The following SLC9C1 variants were observed in gnomAD, a reference collection of about 807,000 sequenced individuals.
SLC9C1 encodes the protein sodium/hydrogen exchanger 10.
Under a neutral mutation model 140.9 loss-of-function variants are expected in SLC9C1, and 97 were observed. That is an observed-to-expected ratio of 0.69 (90% CI 0.58 to 0.82). SLC9C1 has a LOEUF of 0.82. Ranked by LOEUF, SLC9C1 falls within the 40% of genes least tolerant of loss-of-function variation. SLC9C1 has a pLI of 0.00. For synonymous variants in SLC9C1, 440 were observed against 442.6 expected (o/e 0.99, Z 0.07); for missense variants, 1,340 against 1,389.3 (o/e 0.96, Z 0.56).
chr3:112,229,477 A>G (rs1316931930), intron 13 of SLC9C1, among the ~76,000 whole-genome samples: 1 of 152,160 alleles, frequency 6.6e-6, no homozygotes, highest in African/African-American at 2.4e-5. Context: ...TTAAAACAAC[A>G]GCAATAAAAA....
intron 18 of SLC9C1, 91 bp downstream of exon 18, chr3:112,202,159 A>T: frequency 2.2e-6 from 3 of 1,385,598 alleles, no homozygotes; most frequent in East Asian, 2.3e-5. Context: ...CAGGAGTCAA[A>T]GACATCTGCA....
At chr3:112,153,376 T>C (rs2075038286) in intron 27 of SLC9C1, among the ~76,000 whole-genome samples, 1 of 148,724 alleles carries the variant, frequency 6.7e-6, no homozygotes, top group South Asian at 2.1e-4. Context: ...AAAAAAAAGA[T>C]GGTCTTGTCA....
chr3:112,161,462 G>A (rs2075296685), intron 26 of SLC9C1, among the ~76,000 whole-genome samples: 1 of 152,168 alleles, frequency 6.6e-6, no homozygotes, highest in Non-Finnish European at 1.5e-5. Flanking sequence ...GTGTAAGGAA[G>A]GGATCCAGTT....
intron 23 of SLC9C1, among the ~76,000 whole-genome samples, chr3:112,173,231 A>G (rs1278652427): frequency 1.3e-5 from 2 of 152,228 alleles, no homozygotes; most frequent in African/African-American, 4.8e-5. Flanking sequence ...GTATAGTACT[A>G]TTAAAAAGTT....
At position 112,280,735 on chromosome 3, in the gene SLC9C1, A is replaced by T. The variant is rs1409331056; in HGVS notation, c.137T>A (p.Ile46Lys). ...AAAACTGCATCCAAGTAAAAATAAT[A>T]TCACAGGGACAGGAATTGGAAAGTC... ...LEDFPIPVPV[I>K]LFLLGCSFEV... Residue 46 changes from isoleucine (I) to lysine (K), a missense_variant, in exon 3 of 29, where the codon ATA becomes AAA. By Grantham distance (102) the Ile-to-Lys change is moderately radical (BLOSUM62 -3). Transcript: ENST00000305815. 1 of 1,612,378 alleles carries T rather than the reference A, an allele frequency of 6.2e-7. No individual in the cohort carries two copies. The highest frequency in any genetic ancestry group is 1.7e-5 in the Admixed American group (1 of 59,554).
intron 23 of SLC9C1, among the ~76,000 whole-genome samples, chr3:112,176,654 C>G (rs149242901): frequency 5.3e-5 from 8 of 152,256 alleles, no homozygotes; most frequent in African/African-American, 1.7e-4. Flanking sequence ...TTATCTTCTT[C>G]TGAAAATTGT....
intron 11 of SLC9C1, among the ~76,000 whole-genome samples, chr3:112,242,085 A>T (rs1275030890): frequency 6.6e-6 from 1 of 152,214 alleles, no homozygotes; most frequent in Non-Finnish European, 1.5e-5. Flanking sequence ...ACAAAACAAA[A>T]ATTGACAAGC....
At chr3:112,188,054 C>T (rs539660837) in intron 20 of SLC9C1, among the ~76,000 whole-genome samples, 1 of 152,060 alleles carries the variant, frequency 6.6e-6, no homozygotes, top group African/African-American at 2.4e-5. Context: ...ATATGTTGCA[C>T]TTGCACAGCT....
chr3:112,173,573 G>A (rs148618124), intron 23 of SLC9C1, among the ~76,000 whole-genome samples: 1 of 152,264 alleles, frequency 6.6e-6, no homozygotes, highest in Non-Finnish European at 1.5e-5. Flanking sequence ...AAGGATAATA[G>A]TGTCCACCTC....
intron 7 of SLC9C1, 102 bp downstream of exon 7, chr3:112,269,814 G>C: frequency 1.1e-6 from 1 of 944,106 alleles, no homozygotes; most frequent in Non-Finnish European, 1.5e-6. Flanking sequence ...GTCTAGATCA[G>C]TTGAATGTTT....
At chr3:112,169,374 G>T in intron 23 of SLC9C1, 46 bp from the exon 24 acceptor site, 2 of 1,555,136 alleles carry the variant, frequency 1.3e-6, no homozygotes, top group South Asian at 1.2e-5. Flanking sequence ...TGTGCACTAT[G>T]GTTTAAGGAA....
At position 112,264,157 on chromosome 3, in the gene SLC9C1, A is replaced by C. The variant is rs776243418; in HGVS notation, c.1022+43T>G. On this transcript the variant is annotated intron_variant, in intron 9 of 28. Coordinates refer to ENST00000305815, the MANE Select transcript of SLC9C1 (RefSeq NM_183061.3). The stretch of plus-strand genomic sequence containing the variant: ...TATTTAAAAGATGACCTTCAAACTT[A>C]CTCAATTATCTATAAATAGAAAAAT... The C allele has an allele frequency of 4.6e-6, 4 of 870,168 alleles. No individual in the cohort carries two copies. In the African/African-American group the frequency reaches 7.1e-5, roughly 15 times the overall value. The allele number at this position is 870,168 out of a possible 1,614,324, so 53.9% of individuals were successfully genotyped here.
At chr3:112,285,566 TA>T (rs1216693722) in intron 2 of SLC9C1, among the ~76,000 whole-genome samples, 2 of 152,116 alleles carry the variant, frequency 1.3e-5, no homozygotes, top group African/African-American at 4.8e-5. Flanking sequence ...CTAGCAAATT[TA>T]AAAGTCACAG....
chr3:112,278,674 A>T lies in SLC9C1; in HGVS notation c.318+55T>A. The stretch of plus-strand genomic sequence containing the variant: ...GGAAAAAAATATTTTAAAAATTTGA[A>T]CATAGATAATATGTGGTTCATGAAT... On this transcript the variant is annotated intron_variant, in intron 4 of 28. Coordinates refer to ENST00000305815, the MANE Select transcript of SLC9C1 (RefSeq NM_183061.3). The T allele has an allele frequency of 2.6e-6, 4 of 1,527,420 alleles. 1 individual carries two copies. Among genetic ancestry groups the T allele is most frequent in the Non-Finnish European group, 3.5e-6 (4 of 1,145,104 alleles). The allele number at this position is 1,527,420 out of a possible 1,614,324, so 94.6% of individuals were successfully genotyped here. A position where few individuals can be genotyped will look rare whatever the true frequency, so the allele number is the denominator to read the frequency against.
At position 112,223,452 on chromosome 3, in the gene SLC9C1, T is replaced by C. The variant is rs551936548; in HGVS notation, c.1573-2227A>G. Among the ~76,000 whole-genome samples the C allele has an allele frequency of 4.6e-5, 7 of 152,312 alleles. No homozygotes were observed. The East Asian group carries it at 9.6e-4, about 21-fold the overall frequency. On this transcript the variant is annotated intron_variant, in intron 13 of 28. Transcript: ENST00000305815. ...TTGAGAAAAGGGAAATGCAAACGTG[T>C]CTACTCTAAAAGTACATCTATAGTT... is the stretch of plus-strand genomic sequence containing the variant.
At chr3:112,167,404 T>C (rs2077160042) in intron 25 of SLC9C1, 57 bp from the exon 26 acceptor site, 2 of 1,503,224 alleles carry the variant, frequency 1.3e-6, no homozygotes, top group Non-Finnish European at 1.8e-6. Context: ...AATTAAAAAT[T>C]TACCTAGTAA....
chr3:112,237,597 G>C (rs917465017), intron 12 of SLC9C1, among the ~76,000 whole-genome samples: 3 of 152,196 alleles, frequency 2.0e-5, no homozygotes, highest in Non-Finnish European at 4.4e-5. Context: ...GCTGGTACCG[G>C]TTGTTCCTTT....
At chr3:112,163,905 C>T (rs1576241208) in intron 26 of SLC9C1, among the ~76,000 whole-genome samples, 1 of 152,196 alleles carries the variant, frequency 6.6e-6, no homozygotes, top group East Asian at 1.9e-4. Flanking sequence ...GTGTGGGAGT[C>T]TAAGTCTCTT....
intron 15 of SLC9C1, among the ~76,000 whole-genome samples, chr3:112,216,268 G>C (rs529310216): frequency 1.3e-3 from 193 of 152,222 alleles, no homozygotes; most frequent in African/African-American, 4.4e-3. Context: ...AGAAAACCTA[G>C]GCAATACCAT....
Sources: allele counts gnomAD v4.1 joint callset (sites outside exome capture counted in the v4.1 genomes callset), GRCh38; gene constraint gnomAD v4.1.1; transcripts MANE v1.5; gene names NCBI Gene and HGNC (gene_info 2026-07-23, HGNC 2026-07-21).